CTNNA2: variants seen among roughly 807,000 people sequenced by gnomAD.
CTNNA2 encodes the protein catenin alpha-2.
In CTNNA2, 42 loss-of-function variants were observed where a neutral mutation model predicts 101.0. That is an observed-to-expected ratio of 0.42 (90% CI 0.32 to 0.54). The LOEUF (loss-of-function observed/expected upper bound fraction) is 0.54, where lower values mean the gene tolerates loss of function less well. CTNNA2 is among the 20% of genes least tolerant of loss of function. The pLI is 0.14. For synonymous variants in CTNNA2, 450 were observed against 456.4 expected (o/e 0.99, Z 0.18); for missense variants, 871 against 1,223.1 (o/e 0.71, Z 4.29).
chr2:80,168,054 T>C (rs1297054069), intron 7 of CTNNA2, among the ~76,000 whole-genome samples: 2 of 152,278 alleles, frequency 1.3e-5, no homozygotes, highest in Non-Finnish European at 1.5e-5. Flanking sequence ...AATCAGTGCC[T>C]TGGGGGAGAA....
rs544697981 is a variant in CTNNA2, at chr2:79,614,867, T to C, written c.-5-36685T>C. Among the ~76,000 whole-genome samples the C allele has an allele frequency of 2.0e-5, 3 of 152,308 alleles. No individual in the cohort carries two copies. In the East Asian group the frequency reaches 5.8e-4, roughly 29 times the overall value. On this transcript the variant is annotated intron_variant, in intron 1 of 18. Transcript: ENST00000402739. ...TAGCTTTACAACTGATAATTGATAATGTATATGAATTTATGAGATTGTTTT... is the reference window on the plus strand; with the variant it reads ...TAGCTTTACAACTGATAATTGATAACGTATATGAATTTATGAGATTGTTTT...
At chr2:80,317,540 G>C (rs141430472) in intron 7 of CTNNA2, among the ~76,000 whole-genome samples, 427 of 152,190 alleles carry the variant, frequency 2.8e-3, no homozygotes, top group Non-Finnish European at 5.2e-3. Flanking sequence ...CTCTGTAAAA[G>C]CCAAACTTGA....
intron 9 of CTNNA2, among the ~76,000 whole-genome samples, chr2:80,533,587 G>A (rs1049129145): frequency 1.3e-5 from 2 of 152,166 alleles, no homozygotes; most frequent in South Asian, 4.1e-4. Context: ...TCCGTTAAAT[G>A]TCAAGCACCG....
intron 9 of CTNNA2, among the ~76,000 whole-genome samples, chr2:80,423,491 T>G (rs546864462): frequency 6.6e-6 from 1 of 152,272 alleles, no homozygotes; most frequent in South Asian, 2.1e-4. Flanking sequence ...TAGTAAAATT[T>G]ATTATCAGGT....
chr2:80,080,769 G>C (rs1192404592), intron 7 of CTNNA2, among the ~76,000 whole-genome samples: 1 of 151,966 alleles, frequency 6.6e-6, no homozygotes, highest in Non-Finnish European at 1.5e-5. Flanking sequence ...TTAAAAGCAA[G>C]AACTAAATTT....
chr2:79,203,674 C>A (rs767292246), intron 2 of CTNNA2, among the ~76,000 whole-genome samples: 1 of 152,176 alleles, frequency 6.6e-6, no homozygotes, highest in African/African-American at 2.4e-5. Flanking sequence ...TCCAAAAATT[C>A]TTCAGGGACA....
At chr2:79,427,288 G>A (rs1678602875) in intron 4 of CTNNA2, among the ~76,000 whole-genome samples, 1 of 151,852 alleles carries the variant, frequency 6.6e-6, no homozygotes, top group Non-Finnish European at 1.5e-5. Context: ...ACCTCGTTCT[G>A]GTAGTATCAT....
chr2:79,779,914 A>T (rs1361148681), intron 3 of CTNNA2, among the ~76,000 whole-genome samples: 1 of 152,114 alleles, frequency 6.6e-6, no homozygotes, highest in African/African-American at 2.4e-5. Flanking sequence ...GGAGCCAGAC[A>T]TGCCTCATTA....
At chr2:80,198,332 G>C (rs912396599) in intron 7 of CTNNA2, among the ~76,000 whole-genome samples, 2 of 152,128 alleles carry the variant, frequency 1.3e-5, no homozygotes, top group African/African-American at 4.8e-5. Flanking sequence ...CTACAGAAAG[G>C]AGATTGCTTT....
chr2:79,544,229 C>T (rs967380027), intron 1 of CTNNA2, among the ~76,000 whole-genome samples: 4 of 152,134 alleles, frequency 2.6e-5, no homozygotes, highest in East Asian at 1.9e-4. Context: ...TGAGCCACCG[C>T]GCCCAGCTGG....
intron 9 of CTNNA2, among the ~76,000 whole-genome samples, chr2:80,435,008 T>C (rs1302962307): frequency 6.6e-6 from 1 of 152,184 alleles, no homozygotes; most frequent in Non-Finnish European, 1.5e-5. Flanking sequence ...TCCTCACTAC[T>C]GACATTTTAG....
At chr2:80,502,609 G>T (rs1002154086) in intron 9 of CTNNA2, among the ~76,000 whole-genome samples, 1 of 152,134 alleles carries the variant, frequency 6.6e-6, no homozygotes, top group Non-Finnish European at 1.5e-5. Flanking sequence ...TTTCTCTACT[G>T]CATTCCCTGA....
chr2:80,214,666 C>A (rs550592274), intron 7 of CTNNA2, among the ~76,000 whole-genome samples: 2 of 152,052 alleles, frequency 1.3e-5, no homozygotes, highest in East Asian at 3.9e-4. Context: ...GGTAACCCGA[C>A]CTCTCTCTCT....
At chr2:80,569,237 C>T (rs114482120) in intron 12 of CTNNA2, among the ~76,000 whole-genome samples, 1,533 of 152,214 alleles carry the variant, frequency 0.01, 30 homozygotes, top group African/African-American at 0.034. Context: ...TAGAATGATG[C>T]GACCTTGATT....
chr2:79,670,318 C>G (rs1005017966), intron 2 of CTNNA2, among the ~76,000 whole-genome samples: 3 of 152,138 alleles, frequency 2.0e-5, no homozygotes, highest in Admixed American at 6.5e-5. Flanking sequence ...CAGGGAGGCT[C>G]GATCCATAGC....
At chr2:80,189,674 C>T (rs1458106829) in intron 7 of CTNNA2, among the ~76,000 whole-genome samples, 1 of 152,032 alleles carries the variant, frequency 6.6e-6, no homozygotes, top group African/African-American at 2.4e-5. Flanking sequence ...AGGCCCATGC[C>T]TGGGCCGCCT....
At chr2:79,317,653 A>G (rs543077137) in intron 3 of CTNNA2, among the ~76,000 whole-genome samples, 52 of 152,198 alleles carry the variant, frequency 3.4e-4, no homozygotes, top group African/African-American at 1.2e-3. Context: ...AAATTTATGA[A>G]ACAATGAATA....
chr2:79,768,894 G>A (rs918600299), intron 3 of CTNNA2, among the ~76,000 whole-genome samples: 6 of 152,008 alleles, frequency 3.9e-5, no homozygotes, highest in African/African-American at 7.2e-5. Context: ...TCACTCTGTC[G>A]CCCAGGCTGG....
chr2:80,232,341 GTTTGTTTTTTTTTTTTTTTTTTTTTTTTT>G (rs1709283711), intron 7 of CTNNA2, among the ~76,000 whole-genome samples: 5 of 82,064 alleles, frequency 6.1e-5, no homozygotes, highest in East Asian at 6.2e-4. Context: ...TTGTTTGTTT[GTTTGTTTTTTTTTTTTTTTTTTTTTTTTT>G]TTTTTTTTTT....
Sources: gnomAD v4.1 joint callset for allele counts (sites outside exome capture counted in the v4.1 genomes callset) on GRCh38, gnomAD v4.1.1 for gene constraint, MANE v1.5 for transcripts, NCBI Gene and HGNC (gene_info 2026-07-23, HGNC 2026-07-21) for gene names.